FAM13A: variants seen among roughly 807,000 people sequenced by gnomAD.
The protein encoded by FAM13A is family with sequence similarity 13 member A, also known as protein FAM13A.
A neutral mutation model predicts 129.6 loss-of-function variants in FAM13A; 76 were observed. The observed-to-expected ratio is 0.59, with a 90% CI of 0.49 to 0.71. The LOEUF (loss-of-function observed/expected upper bound fraction) is 0.71. Ranked by LOEUF, FAM13A falls within the 30% of genes least tolerant of loss-of-function variation. FAM13A has a pLI of 0.00. For synonymous variants in FAM13A, 443 were observed against 449.9 expected (o/e 0.98, Z 0.20); for missense variants, 1,108 against 1,249.3 (o/e 0.89, Z 1.70).
chr4:88,767,486 CAG>C, intron 13 of FAM13A, 65 bp downstream of exon 13: 1 of 1,149,928 alleles, frequency 8.7e-7, no homozygotes, highest in Admixed American at 2.6e-5. Context: ...ACTAATATTT[CAG>C]AAGTACACTC....
chr4:88,899,585 T>C (rs551238640), intron 6 of FAM13A, among the ~76,000 whole-genome samples: 3 of 152,184 alleles, frequency 2.0e-5, no homozygotes, highest in East Asian at 1.9e-4. Context: ...AATGAAAAGA[T>C]TAAAGATTAG....
chr4:88,893,642 G>GAATGAATA (rs1352073900), intron 6 of FAM13A, among the ~76,000 whole-genome samples: 74 of 126,228 alleles, frequency 5.9e-4, no homozygotes, highest in African/African-American at 8.8e-4. Flanking sequence ...ATGAATGAAT[G>GAATGAATA]AATAAATAAA....
intron 6 of FAM13A, among the ~76,000 whole-genome samples, chr4:88,879,488 A>G (rs897247175): frequency 1.3e-5 from 2 of 148,894 alleles, no homozygotes; most frequent in Non-Finnish European, 3.0e-5. Flanking sequence ...CTTACCTATT[A>G]AAAAAAAAAG....
At chr4:88,939,131 T>C (rs142551981) in intron 4 of FAM13A, among the ~76,000 whole-genome samples, 18 of 152,312 alleles carry the variant, frequency 1.2e-4, no homozygotes, top group African/African-American at 4.1e-4. Context: ...CAACAGAAAG[T>C]ATTGTCTTCC....
intron 13 of FAM13A, among the ~76,000 whole-genome samples, chr4:88,761,925 G>C (rs1744893756): frequency 6.6e-6 from 1 of 152,014 alleles, no homozygotes; most frequent in Non-Finnish European, 1.5e-5. Context: ...GAGTCTTACA[G>C]AGAAGACAGT....
At chr4:88,930,801 A>G (rs1752914270) in intron 5 of FAM13A, among the ~76,000 whole-genome samples, 1 of 152,140 alleles carries the variant, frequency 6.6e-6, no homozygotes, top group South Asian at 2.1e-4. Context: ...CTGGCCCCCA[A>G]GTGGTCTGTG....
At chr4:88,929,457 T>A (rs1752711582) in intron 5 of FAM13A, among the ~76,000 whole-genome samples, 1 of 151,924 alleles carries the variant, frequency 6.6e-6, no homozygotes, top group Non-Finnish European at 1.5e-5. Flanking sequence ...TGGGAAGTTT[T>A]CATCAATTAT....
At chr4:89,045,867 T>C (rs113379968) in intron 1 of FAM13A, among the ~76,000 whole-genome samples, 7,359 of 151,514 alleles carry the variant, frequency 0.049, 285 homozygotes, top group South Asian at 0.22. Flanking sequence ...CTACTAATAG[T>C]ACAAAAATTA....
At chr4:88,864,698 TG>T (rs1364212868) in intron 6 of FAM13A, among the ~76,000 whole-genome samples, 1 of 152,222 alleles carries the variant, frequency 6.6e-6, no homozygotes, top group Middle Eastern at 3.2e-3. Flanking sequence ...TGAGCCACCA[TG>T]CCCGGCCATT....
intron 4 of FAM13A, among the ~76,000 whole-genome samples, chr4:88,976,622 A>T (rs1237643705): frequency 6.7e-6 from 1 of 148,938 alleles, no homozygotes; most frequent in Non-Finnish European, 1.5e-5. Context: ...AGCCATCAAA[A>T]TGTCATAGAG....
At chr4:88,831,083 T>C (rs541774177) in intron 7 of FAM13A, among the ~76,000 whole-genome samples, 6 of 152,186 alleles carry the variant, frequency 3.9e-5, no homozygotes, top group African/African-American at 9.7e-5. Context: ...ACTTATGTAA[T>C]TGTTCCTCAA....
intron 7 of FAM13A, among the ~76,000 whole-genome samples, chr4:88,831,767 A>G (rs186476194): frequency 2.1e-4 from 32 of 152,372 alleles, no homozygotes; most frequent in African/African-American, 7.0e-4. Flanking sequence ...ATGGAAAAAC[A>G]TCTCATGTTC....
intron 1 of FAM13A, among the ~76,000 whole-genome samples, chr4:89,051,641 C>T (rs1318633756): frequency 2.6e-5 from 4 of 152,126 alleles, no homozygotes. Flanking sequence ...ACTCAAGGTA[C>T]AATTCATACT....
chr4:89,019,325 A>G (rs963017089), intron 3 of FAM13A, among the ~76,000 whole-genome samples: 1 of 152,222 alleles, frequency 6.6e-6, no homozygotes, highest in African/African-American at 2.4e-5. Context: ...GGCAACGAAT[A>G]CTTTTGGAAA....
At chr4:88,794,273 T>A (rs1219921776) in intron 8 of FAM13A, among the ~76,000 whole-genome samples, 3 of 152,076 alleles carry the variant, frequency 2.0e-5, no homozygotes, top group East Asian at 3.9e-4. Flanking sequence ...CTAAGCCTAC[T>A]GTTAGTGATG....
chr4:88,876,709 G>A (rs573684785), intron 6 of FAM13A, among the ~76,000 whole-genome samples: 11 of 151,664 alleles, frequency 7.3e-5, no homozygotes, highest in South Asian at 2.1e-4. Flanking sequence ...CTCCTGCCTC[G>A]GCCTCCCAAG....
At position 88,900,321 on chromosome 4, in the gene FAM13A, G is replaced by C. The variant is rs534215999; in HGVS notation, c.843+6058C>G. Among the ~76,000 whole-genome samples the C allele has an allele frequency of 6.6e-5, 10 of 152,060 alleles. No homozygotes were observed. In the East Asian group the frequency reaches 1.9e-3, roughly 29 times the overall value. On this transcript the variant is annotated intron_variant, in intron 6 of 23. Coordinates refer to ENST00000264344, the MANE Select transcript of FAM13A (RefSeq NM_014883.4). The stretch of plus-strand genomic sequence containing the variant: ...ACCTCAGTAAGATACTCCATGAGAA[G>C]ATCAATGCCAAGACACATAATCATC...
At chr4:88,825,826 T>TG (rs34672569) in intron 7 of FAM13A, among the ~76,000 whole-genome samples, 111,066 of 151,184 alleles carry the variant, frequency 0.73, 42,227 homozygotes, top group East Asian at 0.97. Flanking sequence ...AAAATGTCAA[T>TG]TTTTTTAAAA....
intron 1 of FAM13A, among the ~76,000 whole-genome samples, chr4:89,043,713 T>C (rs559340869): frequency 1.3e-5 from 2 of 152,100 alleles, no homozygotes; most frequent in South Asian, 2.1e-4. Flanking sequence ...GATGTGACAA[T>C]AGAAGCACAG....
Sources: allele counts gnomAD v4.1 joint callset (sites outside exome capture counted in the v4.1 genomes callset), GRCh38; gene constraint gnomAD v4.1.1; transcripts MANE v1.5; gene names NCBI Gene and HGNC (gene_info 2026-07-23, HGNC 2026-07-21).